Variants in ADAMTSL2 observed in about 807,000 individuals in gnomAD.
ADAMTSL2 encodes ADAMTS-like protein 2.
A neutral mutation model predicts 117.0 loss-of-function variants in ADAMTSL2; 55 were observed. That is an observed-to-expected ratio of 0.47 (90% confidence interval 0.38 to 0.59). The LOEUF is 0.59. Ranked by LOEUF, ADAMTSL2 falls within the 20% of genes least tolerant of loss-of-function variation. The probability of loss-of-function intolerance (pLI) is 0.00; values close to 1 mark genes in which losing one functional copy is unlikely to be tolerated. For missense variants in ADAMTSL2, 1,182 were observed against 1,354.5 expected, an observed-to-expected ratio of 0.87 and a Z score of 2.00; for synonymous variants, 572 against 566.4, an observed-to-expected ratio of 1.01 and a Z score of -0.14.
At chr9:133,573,674 C>G (rs979326885) in intron 17 of ADAMTSL2, among the ~76,000 whole-genome samples, 169 bp from the exon 18 acceptor site, 5 of 152,136 alleles carry the variant, frequency 3.3e-5, no homozygotes, top group African/African-American at 9.7e-5. Flanking sequence ...GCCTTGGAGC[C>G]GCAGGTCTAG....
At position 133,536,799 on chromosome 9, in the gene ADAMTSL2, C is replaced by T; in HGVS notation, c.87C>T (p.Ser29=). ...CTGGGGACACAGTGTCAACCGGGTC[C>T]ACGGTGAGTGGGGTGTTGTGGTCTG... ...VVAGDTVSTG[S]TDNSPTSNSL... is the part of the protein sequence containing the mutation. Residue 29 remains serine (S), a synonymous_variant, in exon 2 of 19, where the codon TCC becomes TCT. Coordinates refer to ENST00000651351, the MANE Select transcript of ADAMTSL2 (RefSeq NM_014694.4). 8.1e-6 allele frequency: 13 copies of T among 1,614,168 alleles called. No homozygotes were observed. Among genetic ancestry groups the T allele is most frequent in the Non-Finnish European group, 1.1e-5 (13 of 1,180,036 alleles).
chr9:133,552,659 G>T (rs1469985739), intron 9 of ADAMTSL2, among the ~76,000 whole-genome samples: 2 of 152,208 alleles, frequency 1.3e-5, no homozygotes, highest in African/African-American at 2.4e-5. Flanking sequence ...TCTGCTCTAG[G>T]AGAGAGACCA....
intron 8 of ADAMTSL2, among the ~76,000 whole-genome samples, chr9:133,545,599 G>C (rs372660594): frequency 1.3e-5 from 2 of 152,214 alleles, no homozygotes; most frequent in Non-Finnish European, 2.9e-5. Flanking sequence ...TGGCCCGAGC[G>C]GGGAGCCGGG....
At position 133,561,328 on chromosome 9, in the gene ADAMTSL2, G is replaced by A. The variant is rs1830723207; in HGVS notation, c.1747+33G>A. On this transcript the variant is annotated intron_variant, in intron 12 of 18. Transcript: ENST00000651351. ...TCACGGGTGCCAAGGGGCAGCAACT[G>A]CCCTGAACCCATTTCCATGGACATG... The A allele has an allele frequency of 7.1e-6, 11 of 1,543,496 alleles. 1 individual carries two copies. The highest frequency in any genetic ancestry group is 9.7e-6 in the Non-Finnish European group (11 of 1,136,596).
Position 133,536,682 on chromosome 9 carries a change from C to T in ADAMTSL2, c.-31C>T, listed in dbSNP as rs760565627. On this transcript the variant is annotated 5_prime_UTR_variant, in exon 2 of 19. Coordinates refer to ENST00000651351, the MANE Select transcript of ADAMTSL2 (RefSeq NM_014694.4). ...TCATCTGGAAGAGGATCGGAGCTGG[C>T]CTGGTGGTGACAGTGGCCTTGCTTC... 3 of 1,614,198 alleles carry T rather than the reference C, an allele frequency of 1.9e-6. No individual in the cohort carries two copies. The highest frequency in any genetic ancestry group is 2.5e-6 in the Non-Finnish European group (3 of 1,180,030).
intron 5 of ADAMTSL2, among the ~76,000 whole-genome samples, 173 bp downstream of exon 5, chr9:133,540,046 C>T (rs953035107): frequency 6.6e-6 from 1 of 152,150 alleles, no homozygotes; most frequent in Non-Finnish European, 1.5e-5. Flanking sequence ...GGGTCTGTCC[C>T]CTCCCCCATG....
intron 12 of ADAMTSL2, among the ~76,000 whole-genome samples, chr9:133,563,837 G>A (rs1588301944): frequency 5.7e-5 from 3 of 53,036 alleles, no homozygotes; most frequent in African/African-American, 1.6e-4. Context: ...GAGAGAGAGA[G>A]AGAGAGGGAG....
intron 4 of ADAMTSL2, among the ~76,000 whole-genome samples, chr9:133,538,806 C>A (rs1052484228): frequency 2.6e-5 from 4 of 152,088 alleles, no homozygotes; most frequent in African/African-American, 9.7e-5. Context: ...TGAAACAGTA[C>A]CCCCCACGCC....
intron 9 of ADAMTSL2, among the ~76,000 whole-genome samples, chr9:133,551,873 A>G (rs1282030066): frequency 7.3e-6 from 1 of 136,416 alleles, no homozygotes; most frequent in East Asian, 2.2e-4. Context: ...CCTGTTGCCC[A>G]GGCTGGAGTG....
At chr9:133,561,551 G>T (rs1830729502) in intron 12 of ADAMTSL2, among the ~76,000 whole-genome samples, 1 of 152,182 alleles carries the variant, frequency 6.6e-6, no homozygotes, top group African/African-American at 2.4e-5. Context: ...CCACCCATTG[G>T]TGGTAGCCCT....
At chr9:133,538,880 G>A (rs540888951) in intron 4 of ADAMTSL2, among the ~76,000 whole-genome samples, 4 of 152,256 alleles carry the variant, frequency 2.6e-5, no homozygotes, top group Non-Finnish European at 4.4e-5. Flanking sequence ...GCTTCCTTGG[G>A]TAGCCGAGGC....
Position 133,554,488 on chromosome 9 carries a change from G to C in ADAMTSL2, c.1071G>C (p.Gly357=), listed in dbSNP as rs1210089842. ...SESAESQGLD[G]AGLMGFVPHN... ...GCGCTGAGAGCCAGGGCCTGGACGG[G>C]GCCGGGCTGATGGGCTTCGTCCCGC... The change falls in exon 10 of 19, where the codon GGG becomes GGC. Residue 357 remains glycine (G), a synonymous_variant. Transcript: ENST00000651351. The surrounding 1 kb of genome is among the most constrained non-coding windows in gnomAD (Gnocchi z 5.2). 5.8e-6 allele frequency: 9 copies of C among 1,551,334 alleles called. No individual in the cohort carries two copies. Among genetic ancestry groups the C allele is most frequent in the Non-Finnish European group, 7.8e-6 (9 of 1,147,800 alleles).
intron 13 of ADAMTSL2, 67 bp from the exon 14 acceptor site, chr9:133,568,206 G>A: frequency 2.7e-6 from 4 of 1,485,486 alleles, no homozygotes; most frequent in East Asian, 4.9e-5. Context: ...GTCTCTGGGG[G>A]TGTGGGTTGC....
intron 8 of ADAMTSL2, among the ~76,000 whole-genome samples, chr9:133,546,294 A>C (rs1830346076): frequency 6.6e-6 from 1 of 152,084 alleles, no homozygotes; most frequent in Non-Finnish European, 1.5e-5. Flanking sequence ...CTGAGCTTCC[A>C]TCAGGCTGGA....
At position 133,536,685 on chromosome 9, in the gene ADAMTSL2, G is replaced by A; in HGVS notation, c.-28G>A. 3.1e-6 allele frequency: 5 copies of A among 1,614,188 alleles called. No individual in the cohort carries two copies. Among genetic ancestry groups the A allele is most frequent in the Non-Finnish European group, 4.2e-6 (5 of 1,180,030 alleles). On this transcript the variant is annotated 5_prime_UTR_variant, in exon 2 of 19. Transcript: ENST00000651351. ...TCTGGAAGAGGATCGGAGCTGGCCT[G>A]GTGGTGACAGTGGCCTTGCTTCCTA... is the stretch of plus-strand genomic sequence containing the variant.
chr9:133,545,217 C>A (rs1453662006), intron 8 of ADAMTSL2, among the ~76,000 whole-genome samples: 1 of 152,172 alleles, frequency 6.6e-6, no homozygotes, highest in Non-Finnish European at 1.5e-5. Context: ...CCACAGTGGG[C>A]AGGTGCTGAC....
intron 1 of ADAMTSL2, among the ~76,000 whole-genome samples, chr9:133,535,274 G>C (rs998993537): frequency 6.6e-6 from 1 of 152,066 alleles, no homozygotes; most frequent in African/African-American, 2.4e-5. Context: ...GTCTTCAGCC[G>C]GCAGGCAGAG....
intron 9 of ADAMTSL2, among the ~76,000 whole-genome samples, chr9:133,549,079 G>C (rs1830424770): frequency 1.7e-4 from 1 of 5,986 alleles, no homozygotes. Flanking sequence ...TCGGCTCACT[G>C]CAAGCTCCGC....
intron 9 of ADAMTSL2, among the ~76,000 whole-genome samples, chr9:133,549,418 T>G (rs1199175003): frequency 6.6e-6 from 1 of 152,146 alleles, no homozygotes; most frequent in Non-Finnish European, 1.5e-5. Context: ...CATCTCAACC[T>G]GAGGCTGCTG....
Sources: gnomAD v4.1 joint callset for allele counts (sites outside exome capture counted in the v4.1 genomes callset) on GRCh38, gnomAD v4.1.1 for gene constraint, Gnocchi (gnomAD v3.1) non-coding constraint, MANE v1.5 for transcripts, NCBI Gene and HGNC (gene_info 2026-07-23, HGNC 2026-07-21) for gene names.